Variants in IFT88 observed in about 807,000 individuals in gnomAD.
IFT88 encodes intraflagellar transport 88, also known as intraflagellar transport protein 88 homolog.
In IFT88, 74 loss-of-function variants were observed where a neutral mutation model predicts 119.5. That is an observed-to-expected ratio of 0.62 (90% confidence interval 0.51 to 0.75). The LOEUF is 0.75. IFT88 is among the 30% of genes least tolerant of loss of function. IFT88 has a pLI of 0.00. For missense variants in IFT88, 961 were observed against 977.7 expected, an observed-to-expected ratio of 0.98 and a Z score of 0.23; for synonymous variants, 279 against 316.7, an observed-to-expected ratio of 0.88 and a Z score of 1.26.
intron 1 of IFT88, among the ~76,000 whole-genome samples, chr13:20,571,031 T>G (rs1268805930): frequency 6.6e-6 from 1 of 152,214 alleles, no homozygotes; most frequent in Non-Finnish European, 1.5e-5. Flanking sequence ...TCTGGCTCTG[T>G]CGCCTAGGCA....
chr13:20,580,603 A>T (rs2038388904), intron 2 of IFT88, among the ~76,000 whole-genome samples: 1 of 152,154 alleles, frequency 6.6e-6, no homozygotes, highest in Non-Finnish European at 1.5e-5. Context: ...GCTATTGTAG[A>T]TAACATTGTA....
chr13:20,579,828 G>A (rs908537430), intron 2 of IFT88, among the ~76,000 whole-genome samples: 2 of 152,172 alleles, frequency 1.3e-5, no homozygotes, highest in Admixed American at 6.5e-5. Context: ...GGTTATTGCT[G>A]CTGATTATTC....
intron 10 of IFT88, among the ~76,000 whole-genome samples, chr13:20,598,980 G>A (rs2042184489): frequency 6.6e-6 from 1 of 151,976 alleles, no homozygotes; most frequent in African/African-American, 2.4e-5. Flanking sequence ...GTTATCACAA[G>A]TAGAATGAGC....
At position 20,569,467 on chromosome 13, in the gene IFT88, A is replaced by G. The variant is rs1280141218; in HGVS notation, c.-7+2211A>G. On this transcript the variant is annotated intron_variant, in intron 1 of 25. Transcript: ENST00000351808. ...GGGCGCCTGTAGTCCCAGCTGCTGG[A>G]GAGGCTGAGGCAGGAGAATGGCGTG... 5.1e-4 allele frequency among the ~76,000 whole-genome samples: 77 copies of G among 151,420 alleles called. 1 individual carries two copies. In the South Asian group the frequency reaches 0.014, roughly 27 times the overall value.
intron 3 of IFT88, among the ~76,000 whole-genome samples, chr13:20,585,716 G>C (rs1203658946): frequency 1.3e-5 from 2 of 152,202 alleles, no homozygotes; most frequent in African/African-American, 4.8e-5. Flanking sequence ...GAGCATTTCA[G>C]GGGTGTAGAA....
intron 24 of IFT88, among the ~76,000 whole-genome samples, chr13:20,689,548 A>G (rs1437059207): frequency 1.3e-5 from 2 of 152,180 alleles, no homozygotes; most frequent in Non-Finnish European, 2.9e-5. Context: ...AGAACTGTGT[A>G]TGCCCTTGCC....
chr13:20,618,719 C>T (rs967748996), intron 14 of IFT88, among the ~76,000 whole-genome samples: 14 of 152,140 alleles, frequency 9.2e-5, no homozygotes, highest in South Asian at 4.2e-4. Context: ...ATGGAAATTA[C>T]GCATAATTCA....
chr13:20,592,455 T>C, intron 7 of IFT88, 51 bp downstream of exon 7: 1 of 1,421,102 alleles, frequency 7.0e-7, no homozygotes, highest in Non-Finnish European at 9.7e-7. Context: ...ATATTTTAAA[T>C]TTTTATTTTC....
At chr13:20,613,425 G>A (rs1208659897) in intron 13 of IFT88, among the ~76,000 whole-genome samples, 1 of 151,992 alleles carries the variant, frequency 6.6e-6, no homozygotes, top group African/African-American at 2.4e-5. Context: ...TAATAAAAAA[G>A]AAAATAACAA....
In IFT88 at chr13:20,665,672, T is replaced by C. The variant is rs2054559527; in HGVS notation, c.2175+2068T>C. Among the ~76,000 whole-genome samples the C allele has an allele frequency of 2.0e-5, 3 of 152,256 alleles. No homozygotes were observed. In the South Asian group the frequency reaches 6.2e-4, roughly 31 times the overall value. ...ATTGATTTCAGATACTCTCATGCAT[T>C]GCCCTGTGTTAGCCTCTCTGTTGTT... On this transcript the variant is annotated intron_variant, in intron 23 of 25. Coordinates refer to ENST00000351808, the MANE Select transcript of IFT88 (RefSeq NM_006531.5).
intron 5 of IFT88, 122 bp from the exon 6 acceptor site, chr13:20,591,496 G>A (rs1468779816): frequency 1.6e-6 from 1 of 607,492 alleles, no homozygotes; most frequent in Non-Finnish European, 2.8e-6. Context: ...AGGAGTAAAC[G>A]TATAGTGATT....
At chr13:20,667,635 G>C (rs2054950691) in intron 23 of IFT88, among the ~76,000 whole-genome samples, 1 of 151,268 alleles carries the variant, frequency 6.6e-6, no homozygotes, top group Non-Finnish European at 1.5e-5. Context: ...GTAGAGGCAG[G>C]GTTTCACCAT....
At chr13:20,650,233 C>T (rs561113639) in intron 20 of IFT88, among the ~76,000 whole-genome samples, 2 of 152,104 alleles carry the variant, frequency 1.3e-5, no homozygotes, top group Non-Finnish European at 2.9e-5. Flanking sequence ...CAACAAAATA[C>T]TAGCAAACCA....
At chr13:20,638,229 C>T (rs77457091) in intron 16 of IFT88, 103 bp from the exon 17 acceptor site, 13,271 of 616,036 alleles carry the variant, frequency 0.022, 198 homozygotes, top group Admixed American at 0.027. Flanking sequence ...TTGTTCATTA[C>T]ATTTATAATC....
chr13:20,568,031 A>G, intron 1 of IFT88: 2 of 713,246 alleles, frequency 2.8e-6, no homozygotes, highest in South Asian at 1.5e-5. Context: ...ATCGCAAAAA[A>G]GAATCTCATA....
intron 24 of IFT88, 55 bp downstream of exon 24, chr13:20,671,094 G>A (rs1447765459): frequency 7.9e-6 from 11 of 1,384,158 alleles, no homozygotes; most frequent in Non-Finnish European, 1.1e-5. Context: ...TAGTATGTGG[G>A]CTTCTGGAAA....
Position 20,656,434 on chromosome 13 carries a change from A to C in IFT88, c.2068+4A>C, listed in dbSNP as rs774753007. 1 of 1,439,670 alleles carries C rather than the reference A, an allele frequency of 6.9e-7. No individual in the cohort carries two copies. Among genetic ancestry groups the C allele is most frequent in the Non-Finnish European group, 9.6e-7 (1 of 1,044,474 alleles). 89.2% of individuals were successfully genotyped at this position (1,439,670 alleles called of 1,614,324 possible). On this transcript the variant is annotated splice_donor_region_variant and intron_variant, in intron 22 of 25. Coordinates refer to ENST00000351808, the MANE Select transcript of IFT88 (RefSeq NM_006531.5). ...AAATTTCCAGAAAATGTCGAATGTA[A>C]GTGGCATTACATAATGTAACTTTGA... is the stretch of plus-strand genomic sequence containing the variant.
chr13:20,595,125 A>G (rs953193057), intron 7 of IFT88, among the ~76,000 whole-genome samples: 3 of 152,192 alleles, frequency 2.0e-5, no homozygotes, highest in African/African-American at 7.2e-5. Context: ...ATGGCCAGGC[A>G]TGGTGGTGCA....
At chr13:20,673,456 CCT>C (rs1173504042) in intron 24 of IFT88, among the ~76,000 whole-genome samples, 1 of 152,208 alleles carries the variant, frequency 6.6e-6, no homozygotes, top group Non-Finnish European at 1.5e-5. Context: ...CTGACAGCTG[CCT>C]CTCGGAAACA....
Sources: allele counts gnomAD v4.1 joint callset (sites outside exome capture counted in the v4.1 genomes callset), GRCh38; gene constraint gnomAD v4.1.1; transcripts MANE v1.5; gene names NCBI Gene and HGNC (gene_info 2026-07-23, HGNC 2026-07-21).